Variants in SPRED2 observed in about 807,000 individuals in gnomAD.
SPRED2 encodes sprouty-related, EVH1 domain-containing protein 2.
A neutral mutation model predicts 43.0 loss-of-function variants in SPRED2; 47 were observed. The observed-to-expected ratio is 1.09, with a 90% CI of 0.87 to 1.40. The LOEUF is 1.40. SPRED2 is among the 40% of genes most tolerant of loss of function. The pLI is 0.00. For synonymous variants in SPRED2, 225 were observed against 225.7 expected (o/e 1.00, Z 0.03); for missense variants, 561 against 586.4 (o/e 0.96, Z 0.45).
intron 1 of SPRED2, among the ~76,000 whole-genome samples, chr2:65,417,120 A>G (rs1242140411): frequency 3.3e-5 from 5 of 152,046 alleles, no homozygotes; most frequent in Admixed American, 3.3e-4. Context: ...CCCCCACCCC[A>G]GGAGACCTGC....
chr2:65,421,024 C>G (rs1031438693), intron 1 of SPRED2, among the ~76,000 whole-genome samples: 2 of 152,188 alleles, frequency 1.3e-5, no homozygotes, highest in Non-Finnish European at 2.9e-5. Flanking sequence ...AGGGCGGCAG[C>G]CTTTCCGTGC....
At chr2:65,413,585 C>G (rs1390285128) in intron 1 of SPRED2, among the ~76,000 whole-genome samples, 3 of 152,192 alleles carry the variant, frequency 2.0e-5, no homozygotes, top group Non-Finnish European at 4.4e-5. Flanking sequence ...AACTTGCTGA[C>G]GATTAGAGCT....
At chr2:65,400,199 C>T (rs945750708) in intron 1 of SPRED2, among the ~76,000 whole-genome samples, 5 of 152,172 alleles carry the variant, frequency 3.3e-5, no homozygotes, top group Admixed American at 2.6e-4. Context: ...AGTTATATGA[C>T]ACTTTTAACT....
chr2:65,363,000 G>GTTT (rs759784526), intron 1 of SPRED2, among the ~76,000 whole-genome samples: 15 of 66,950 alleles, frequency 2.2e-4, no homozygotes, highest in African/African-American at 9.8e-4. Context: ...TGGTCATCAT[G>GTTT]TTTTGTTTTT....
chr2:65,414,119 A>T (rs1676221545), intron 1 of SPRED2, among the ~76,000 whole-genome samples: 1 of 152,230 alleles, frequency 6.6e-6, no homozygotes, highest in Admixed American at 6.5e-5. Context: ...TAAAAAAATT[A>T]AAAAGGTGGG....
intron 1 of SPRED2, among the ~76,000 whole-genome samples, chr2:65,378,772 T>TG (rs1316058947): frequency 6.6e-6 from 1 of 152,196 alleles, no homozygotes; most frequent in East Asian, 1.9e-4. Flanking sequence ...TGGAATCACC[T>TG]GGAGGGGTTA....
intron 1 of SPRED2, chr2:65,366,774 CGGA>C: frequency 7.3e-7 from 1 of 1,363,730 alleles, no homozygotes; most frequent in South Asian, 1.9e-5. Context: ...TGCATTGTAC[CGGA>C]TGAGTCATCC....
chr2:65,423,985 C>T (rs1274586114), intron 1 of SPRED2, among the ~76,000 whole-genome samples: 1 of 152,136 alleles, frequency 6.6e-6, no homozygotes, highest in Non-Finnish European at 1.5e-5. Context: ...GATGGGGTTT[C>T]TCCATCTTGG....
chr2:65,376,337 G>A (rs944388364), intron 1 of SPRED2, among the ~76,000 whole-genome samples: 1 of 152,200 alleles, frequency 6.6e-6, no homozygotes, highest in Non-Finnish European at 1.5e-5. Flanking sequence ...GCAGATTCTG[G>A]ACTGTTTAAA....
At chr2:65,388,517 A>G (rs777600965) in intron 1 of SPRED2, among the ~76,000 whole-genome samples, 4 of 152,150 alleles carry the variant, frequency 2.6e-5, no homozygotes, top group Admixed American at 6.5e-5. Flanking sequence ...TCTTGAGCCC[A>G]TAAGAGTATA....
Position 65,366,305 on chromosome 2 carries a change from A to AACAACAAC in SPRED2, c.27-21410_27-21409insGTTGTTGT, listed in dbSNP as rs1558670912. Among the ~76,000 whole-genome samples, 15 of 151,556 alleles carry AACAACAAC rather than the reference A, an allele frequency of 9.9e-5. No individual in the cohort carries two copies. The East Asian group carries it at 1.9e-3, about 20-fold the overall frequency. On this transcript the variant is annotated intron_variant, in intron 1 of 5. Transcript: ENST00000356388. Reference sequence around the variant, plus strand: ...TTTAGATTCAGGACTTAATAATAAAAAACAACAACAACAACAACAAAACAT... The same window carrying AACAACAAC: ...TTTAGATTCAGGACTTAATAATAAAAACAACAACAACAACAACAACAACAACAAAACAT...
intron 4 of SPRED2, among the ~76,000 whole-genome samples, chr2:65,323,601 G>A (rs889695641): frequency 6.6e-6 from 1 of 151,864 alleles, no homozygotes; most frequent in African/African-American, 2.4e-5. Context: ...CCCTGGCCAG[G>A]CGCGGTGACT....
At chr2:65,335,817 C>A (rs1322442394) in intron 2 of SPRED2, among the ~76,000 whole-genome samples, 2 of 152,108 alleles carry the variant, frequency 1.3e-5, no homozygotes, top group African/African-American at 4.8e-5. Flanking sequence ...AAACTTCATT[C>A]TTTATTCATT....
intron 4 of SPRED2, among the ~76,000 whole-genome samples, chr2:65,327,935 G>C (rs6714675): frequency 3.3e-5 from 5 of 151,106 alleles, no homozygotes; most frequent in African/African-American, 1.2e-4. Context: ...TGTTGGCCAG[G>C]CTGGTCTTGA....
chr2:65,330,577 C>T (rs555501125), intron 4 of SPRED2, among the ~76,000 whole-genome samples: 95 of 152,320 alleles, frequency 6.2e-4, no homozygotes, highest in African/African-American at 2.1e-3. Context: ...TCAACATCCC[C>T]ACCACGGTGG....
At chr2:65,356,250 A>C (rs1303599009) in intron 1 of SPRED2, among the ~76,000 whole-genome samples, 3 of 152,234 alleles carry the variant, frequency 2.0e-5, no homozygotes, top group Non-Finnish European at 4.4e-5. Context: ...AAAAACATGG[A>C]ATCATGGATG....
chr2:65,354,741 A>G (rs1387760952), intron 1 of SPRED2, among the ~76,000 whole-genome samples: 1 of 152,196 alleles, frequency 6.6e-6, no homozygotes, highest in Non-Finnish European at 1.5e-5. Context: ...ACCACGTGTA[A>G]TTGGGACACA....
downstream of SPRED2, among the ~76,000 whole-genome samples, chr2:65,307,218 CAG>C (rs1240860631): frequency 2.6e-5 from 4 of 152,240 alleles, no homozygotes; most frequent in Admixed American, 6.5e-5. Flanking sequence ...TATTTAGAGA[CAG>C]AGTCTTGCGC....
chr2:65,386,272 T>G (rs1675497815), intron 1 of SPRED2, among the ~76,000 whole-genome samples: 1 of 108,602 alleles, frequency 9.2e-6, no homozygotes, highest in Admixed American at 1.5e-4. Flanking sequence ...GCGACAAGAG[T>G]GAGACTCTGT....
Sources: allele counts gnomAD v4.1 joint callset (sites outside exome capture counted in the v4.1 genomes callset), GRCh38; gene constraint gnomAD v4.1.1; transcripts MANE v1.5; gene names NCBI Gene and HGNC (gene_info 2026-07-23, HGNC 2026-07-21).